The following TFAP2A variants were observed in gnomAD, a reference collection of about 807,000 sequenced individuals.
TFAP2A encodes the protein transcription factor AP-2 alpha.
Under a neutral mutation model 41.5 loss-of-function variants are expected in TFAP2A, and 7 were observed. That is an observed-to-expected ratio of 0.17 (90% CI 0.10 to 0.32). The LOEUF is 0.32. Among genes scored for constraint, TFAP2A ranks in the 10% least tolerant of loss-of-function variants. The probability of loss-of-function intolerance (pLI) is 1.00; values close to 1 mark genes in which losing one functional copy is unlikely to be tolerated. For synonymous variants in TFAP2A, 247 were observed against 242.8 expected (o/e 1.02, Z -0.16); for missense variants, 416 against 563.3 (o/e 0.74, Z 2.65).
rs752575373 is a variant in TFAP2A, at chr6:10,409,931, G to A, written c.456C>T (p.His152=). 2 of 1,555,182 alleles carry A rather than the reference G, an allele frequency of 1.3e-6. No individual in the cohort carries two copies. Among genetic ancestry groups the A allele is most frequent in the Non-Finnish European group, 1.7e-6 (2 of 1,148,852 alleles). The part of the protein sequence containing the change: ...LSSGLGDLSI[H]SLPHAIEEVP... ...CCTCCTCGATGGCGTGAGGTAAGGA[G>A]TGGATCGAGAGGTCTCCGAGTCCTG... The change falls in exon 2 of 7, where the codon CAC becomes CAT. Residue 152 remains histidine, a synonymous_variant. Transcript: ENST00000379613.
chr6:10,418,422 G>C (rs1758317607), upstream of TFAP2A: 1 of 152,226 alleles, frequency 6.6e-6, no homozygotes, highest in Admixed American at 6.5e-5. Flanking sequence ...ATTGTCCCCT[G>C]GGCTTTTGGG....
chr6:10,419,567 C>T (rs1758358864), upstream of TFAP2A: 3 of 1,328,206 alleles, frequency 2.3e-6, no homozygotes, highest in Non-Finnish European at 3.3e-6. Context: ...TCACCAACAT[C>T]TCACCTGGTC....
chr6:10,404,363 A>T (rs1405463890), intron 4 of TFAP2A, 145 bp downstream of exon 4: 3 of 471,354 alleles, frequency 6.4e-6, no homozygotes, highest in African/African-American at 2.1e-5. Flanking sequence ...ACTTGGCTCT[A>T]CGCTCTTCTC....
intron 2 of TFAP2A, chr6:10,407,866 T>C (rs1229370008): frequency 6.6e-6 from 1 of 152,230 alleles, no homozygotes; most frequent in Non-Finnish European, 1.5e-5. Flanking sequence ...TACTCAATGC[T>C]CTCATTTGTA....
intron 1 of TFAP2A, chr6:10,411,897 A>G (rs1024865448): frequency 1.6e-5 from 20 of 1,283,994 alleles, no homozygotes; most frequent in Non-Finnish European, 1.9e-5. Flanking sequence ...AGGAAAAAGG[A>G]AAAAGTATGT....
chr6:10,403,912 T>C (rs1329858852), intron 4 of TFAP2A, among the ~76,000 whole-genome samples: 1 of 152,212 alleles, frequency 6.6e-6, no homozygotes, highest in Non-Finnish European at 1.5e-5. Context: ...GGAATCATCA[T>C]CATATGCAAA....
At chr6:10,404,783 AC>A in intron 3 of TFAP2A, 44 bp from the exon 4 acceptor site, 2 of 1,573,966 alleles carry the variant, frequency 1.3e-6, no homozygotes, top group Non-Finnish European at 1.7e-6. Context: ...GTCGTGGATC[AC>A]CCCCAAATCC....
At position 10,398,736 on chromosome 6, in the gene TFAP2A, A is replaced by ATAAG. The variant is rs1761893002; in HGVS notation, c.1032-35_1032-32dup. 5.0e-6 allele frequency: 8 copies of ATAAG among 1,612,390 alleles called. No individual in the cohort carries two copies. The highest frequency in any genetic ancestry group is 5.1e-6 in the Non-Finnish European group (6 of 1,179,076). ...GCACAAGTGGAGCAGAGAGAGAGAC[A>ATAAG]TAAGGCTCCACTATGGGCAGCACTA... On this transcript the variant is annotated intron_variant, in intron 6 of 6. Coordinates refer to ENST00000379613, the MANE Select transcript of TFAP2A (RefSeq NM_001372066.1). This position sits in a 1 kb window ranked among gnomAD's most constrained non-coding sequence, Gnocchi z 5.3.
rs1229723381 is a variant in TFAP2A, at chr6:10,396,877, A to G, written c.*1540T>C. 1 of 152,610 alleles carries G rather than the reference A, an allele frequency of 6.6e-6. No individual in the cohort carries two copies. Among genetic ancestry groups the G allele is most frequent in the Non-Finnish European group, 1.5e-5 (1 of 68,022 alleles). 9.5% of individuals were successfully genotyped at this position (152,610 alleles called of 1,614,324 possible). On this transcript the variant is annotated 3_prime_UTR_variant, in exon 7 of 7. Coordinates refer to ENST00000379613, the MANE Select transcript of TFAP2A (RefSeq NM_001372066.1). ...CTGCTCTGAACTCCAAGTTGAAAGT[A>G]AGTTTTTATTATACTTGAGGGAAAC...
intron 3 of TFAP2A, 62 bp from the exon 4 acceptor site, chr6:10,404,801 A>AC: frequency 1.4e-6 from 2 of 1,478,892 alleles, no homozygotes; most frequent in Non-Finnish European, 1.9e-6. Flanking sequence ...ATCCTGCCCG[A>AC]CCCCGGCCCT....
chr6:10,399,219 A>G (rs528392875), intron 6 of TFAP2A, among the ~76,000 whole-genome samples: 35 of 152,320 alleles, frequency 2.3e-4, no homozygotes, highest in African/African-American at 6.3e-4. Flanking sequence ...ATTCAGGTCA[A>G]TGTGGACAGA....
At chr6:10,409,473 TC>T (rs1757853824) in intron 2 of TFAP2A, 1 of 203,416 alleles carries the variant, frequency 4.9e-6, no homozygotes, top group South Asian at 8.4e-5. Flanking sequence ...CTTTTACACT[TC>T]CTTTTACATT....
chr6:10,396,729 G>C lies in TFAP2A; in HGVS notation c.*1688C>G, dbSNP rs1389109049. The C allele has an allele frequency of 4.6e-5, 7 of 152,466 alleles. No homozygotes were observed. Among genetic ancestry groups the C allele is most frequent in the Non-Finnish European group, 1.0e-4 (7 of 68,026 alleles). 9.4% of individuals were successfully genotyped at this position (152,466 alleles called of 1,614,324 possible). Reference sequence around the variant, plus strand: ...TTTAATAATAAAATTAATGTTTCTAGTAAGGAAAAGACAGTATGTCATTCC... The same window carrying C: ...TTTAATAATAAAATTAATGTTTCTACTAAGGAAAAGACAGTATGTCATTCC... On this transcript the variant is annotated 3_prime_UTR_variant, in exon 7 of 7. Coordinates refer to ENST00000379613, the MANE Select transcript of TFAP2A (RefSeq NM_001372066.1).
In TFAP2A at chr6:10,402,621, A is replaced by G; in HGVS notation, c.771-11T>C. 6.3e-7 allele frequency: 1 copy of G among 1,576,318 alleles called. No homozygotes were observed. The highest frequency in any genetic ancestry group is 1.7e-5 in the Admixed American group (1 of 59,968). On this transcript the variant is annotated splice_polypyrimidine_tract_variant and intron_variant, in intron 4 of 6. Coordinates refer to ENST00000379613, the MANE Select transcript of TFAP2A (RefSeq NM_001372066.1). Reference sequence around the variant, plus strand: ...TTTTTAGACTTCGCCCTGTTTCACAAATATATGCGAGAAAGGGATTTAGAA... The same window carrying G: ...TTTTTAGACTTCGCCCTGTTTCACAGATATATGCGAGAAAGGGATTTAGAA...
At chr6:10,400,861 A>C in intron 5 of TFAP2A, 2 of 627,002 alleles carry the variant, frequency 3.2e-6, no homozygotes, top group Admixed American at 2.1e-5. Context: ...CCCACCCTAA[A>C]TGACACTTCT....
chr6:10,407,907 TAATTA>T, intron 2 of TFAP2A: 1 of 152,258 alleles, frequency 6.6e-6, no homozygotes, highest in African/African-American at 2.4e-5. Flanking sequence ...GATTTAAGTA[TAATTA>T]AATTGAGAAA....
upstream of TFAP2A, chr6:10,419,638 A>G (rs547717622): frequency 2.3e-5 from 16 of 690,374 alleles, no homozygotes; most frequent in Non-Finnish European, 3.9e-5. Context: ...TCACTCCGCC[A>G]GCTGCAGTCC....
At chr6:10,412,824 T>C (rs6456450) in intron 1 of TFAP2A, 12,623 of 175,536 alleles carry the variant, frequency 0.072, 910 homozygotes, top group East Asian at 0.27. Flanking sequence ...GCTGCACTGG[T>C]CCTCTCCTCG....
chr6:10,398,548 C>A lies in TFAP2A; in HGVS notation c.1189G>T (p.Val397Phe), dbSNP rs1395122023. 8 of 1,614,234 alleles carry A rather than the reference C, an allele frequency of 5.0e-6. No homozygotes were observed. The highest frequency in any genetic ancestry group is 6.8e-6 in the Non-Finnish European group (8 of 1,180,042). The change falls in exon 7 of 7, where the codon GTC (valine) becomes TTC (phenylalanine). Residue 397 changes from valine (V) to phenylalanine (F), a missense_variant. Physicochemically the swap from Val to Phe is conservative, Grantham distance 50. Around this residue, in one of 3 missense-constraint regions of TFAP2A, gnomAD observed 116 missense variants for 153.8 expected, o/e 0.75. Transcript: ENST00000379613. This position sits in a 1 kb window ranked among gnomAD's most constrained non-coding sequence, Gnocchi z 5.3. Reference protein sequence around the residue: ...GFGSPAVCAAVTALQNYLTEA... With the variant: ...GFGSPAVCAAFTALQNYLTEA... The stretch of plus-strand genomic sequence containing the variant: ...GTGAGATAGTTCTGCAGGGCCGTGA[C>A]CGCGGCACACACCGCGGGGCTGCCG...
Sources: allele counts gnomAD v4.1 joint callset (sites outside exome capture counted in the v4.1 genomes callset), GRCh38; gene constraint gnomAD v4.1.1; regional missense constraint gnomAD v4.1.1; non-coding constraint Gnocchi (gnomAD v3.1); transcripts MANE v1.5; gene names NCBI Gene and HGNC (gene_info 2026-07-23, HGNC 2026-07-21).